The following NFIA variants were observed in gnomAD, a reference collection of about 807,000 sequenced individuals.
The protein encoded by NFIA is nuclear factor I A.
A neutral mutation model predicts 62.8 loss-of-function variants in NFIA; 8 were observed. The observed-to-expected ratio is 0.13, with a 90% CI of 0.07 to 0.23. NFIA has a LOEUF of 0.23. Among genes scored for constraint, NFIA ranks in the 10% least tolerant of loss-of-function variants. The pLI, the probability that NFIA is intolerant of heterozygous loss-of-function variation, is 1.00. For synonymous variants in NFIA, 235 were observed against 238.1 expected, an observed-to-expected ratio of 0.99 and a Z score of 0.12; for missense variants, 410 against 642.1, an observed-to-expected ratio of 0.64 and a Z score of 3.91.
At chr1:61,081,265 A>AAAAC (rs1646091232), upstream of NFIA, among the ~76,000 whole-genome samples, 1 of 152,076 alleles carries the variant, frequency 6.6e-6, no homozygotes, top group Non-Finnish European at 1.5e-5. Context: ...TTAAAAAAAA[A>AAAAC]AAACTGGAAA....
chr1:61,365,358 A>T (rs996721725), intron 6 of NFIA, among the ~76,000 whole-genome samples: 13 of 152,158 alleles, frequency 8.5e-5, no homozygotes, highest in Middle Eastern at 3.2e-3. Flanking sequence ...CTTGTCTGGA[A>T]GCCACCTTAA....
chr1:61,355,657 T>C (rs372551321), intron 5 of NFIA, among the ~76,000 whole-genome samples: 2 of 152,292 alleles, frequency 1.3e-5, no homozygotes, highest in East Asian at 3.9e-4. Context: ...CATAATTCAC[T>C]GCAACCTCGA....
intron 7 of NFIA, among the ~76,000 whole-genome samples, chr1:61,398,426 T>C (rs1294101047): frequency 6.6e-6 from 1 of 152,212 alleles, no homozygotes; most frequent in Non-Finnish European, 1.5e-5. Flanking sequence ...CATTAGAATT[T>C]GATCTCTTAG....
intron 10 of NFIA, among the ~76,000 whole-genome samples, chr1:61,437,493 A>C (rs1333502632): frequency 6.6e-6 from 1 of 152,130 alleles, no homozygotes; most frequent in Non-Finnish European, 1.5e-5. Context: ...GATTGATCTT[A>C]GAGAGGAGAA....
chr1:61,096,220 T>C (rs555297608), intron 2 of NFIA, among the ~76,000 whole-genome samples: 1 of 152,278 alleles, frequency 6.6e-6, no homozygotes, highest in Non-Finnish European at 1.5e-5. Context: ...TTTTTGTTGT[T>C]GTTGTTGTTT....
chr1:61,078,408 C>G (rs1779860), upstream of NFIA, among the ~76,000 whole-genome samples: 1 of 152,248 alleles, frequency 6.6e-6, no homozygotes, highest in Non-Finnish European at 1.5e-5. Flanking sequence ...CTCAGGGAAG[C>G]TGGTAACTTG....
At chr1:61,390,777 T>A (rs1664932854) in intron 7 of NFIA, among the ~76,000 whole-genome samples, 1 of 152,174 alleles carries the variant, frequency 6.6e-6, no homozygotes, top group Non-Finnish European at 1.5e-5. Flanking sequence ...GCAGGGCCTA[T>A]TAGGGCAAGG....
chr1:61,269,337 T>G (rs1310271737), intron 2 of NFIA, among the ~76,000 whole-genome samples: 1 of 152,202 alleles, frequency 6.6e-6, no homozygotes, highest in African/African-American at 2.4e-5. Context: ...TTAAAAGCTC[T>G]GTTTTGATAC....
chr1:61,098,115 A>G (rs1338137369), intron 2 of NFIA, among the ~76,000 whole-genome samples: 1 of 152,238 alleles, frequency 6.6e-6, no homozygotes, highest in Non-Finnish European at 1.5e-5. Context: ...CCTGTTGCAT[A>G]CTATTAAACA....
intron 1 of NFIA, among the ~76,000 whole-genome samples, chr1:61,083,386 G>A (rs1646154328): frequency 6.6e-6 from 1 of 152,114 alleles, no homozygotes; most frequent in Non-Finnish European, 1.5e-5. Flanking sequence ...GCCCCCCGCC[G>A]TCTTCCCGAA....
intron 10 of NFIA, among the ~76,000 whole-genome samples, chr1:61,428,878 T>C (rs1220853372): frequency 1.3e-5 from 2 of 152,166 alleles, no homozygotes; most frequent in African/African-American, 4.8e-5. Context: ...GGAAAAGTTA[T>C]CTGGGAAAAC....
chr1:61,235,727 C>A (rs143098496), intron 2 of NFIA, among the ~76,000 whole-genome samples: 6,618 of 147,852 alleles, frequency 0.045, 215 homozygotes, highest in Non-Finnish European at 0.064. Context: ...GTGGGAGGAT[C>A]GCTTGAACCT....
intron 2 of NFIA, among the ~76,000 whole-genome samples, chr1:61,196,714 T>G (rs1652024129): frequency 6.6e-6 from 1 of 152,238 alleles, no homozygotes; most frequent in South Asian, 2.1e-4. Flanking sequence ...TTCTCCAGCT[T>G]GAAGCAGTGT....
intron 2 of NFIA, among the ~76,000 whole-genome samples, chr1:61,192,160 G>A (rs559561173): frequency 7.9e-5 from 12 of 152,070 alleles, no homozygotes; most frequent in East Asian, 5.8e-4. Context: ...GGATTTCACC[G>A]TGTTAGCCAG....
intron 2 of NFIA, among the ~76,000 whole-genome samples, chr1:61,137,484 G>A (rs1323321699): frequency 1.3e-5 from 2 of 152,274 alleles, no homozygotes; most frequent in Admixed American, 6.5e-5. Flanking sequence ...TATAAATTAC[G>A]GGGATATGTA....
rs1298178260 is a variant in NFIA, at chr1:61,088,990, A to T, written c.559+310A>T. Reference sequence around the variant, plus strand: ...GAGAAGCCTCGTGAAAACCCTTTTAATAAAGAGTATATTTTAACTGACAAA... The same window carrying T: ...GAGAAGCCTCGTGAAAACCCTTTTATTAAAGAGTATATTTTAACTGACAAA... On this transcript the variant is annotated intron_variant, in intron 2 of 10. Transcript: ENST00000403491. This position sits in a 1 kb window ranked among gnomAD's most constrained non-coding sequence, Gnocchi z 4.5. Among the ~76,000 whole-genome samples, 1 of 152,232 alleles carries T rather than the reference A, an allele frequency of 6.6e-6. No homozygotes were observed. The highest frequency in any genetic ancestry group is 1.5e-5 in the Non-Finnish European group (1 of 68,042).
chr1:61,223,834 T>C (rs1003847401), intron 2 of NFIA, among the ~76,000 whole-genome samples: 2 of 152,122 alleles, frequency 1.3e-5, no homozygotes, highest in African/African-American at 2.4e-5. Context: ...TACTTTGAGG[T>C]TTTCTGAGGA....
chr1:61,296,552 A>G (rs905371137), intron 3 of NFIA, among the ~76,000 whole-genome samples: 8 of 152,144 alleles, frequency 5.3e-5, no homozygotes, highest in African/African-American at 1.9e-4. Context: ...AGGAAATATT[A>G]GTGTCCTTTT....
intron 2 of NFIA, among the ~76,000 whole-genome samples, chr1:61,099,067 G>T (rs1324983913): frequency 6.6e-6 from 1 of 152,202 alleles, no homozygotes; most frequent in African/African-American, 2.4e-5. Flanking sequence ...ATGGATAAAT[G>T]TAATCCTTTG....
Sources: allele counts gnomAD v4.1 joint callset (sites outside exome capture counted in the v4.1 genomes callset), GRCh38; gene constraint gnomAD v4.1.1; non-coding constraint Gnocchi (gnomAD v3.1); transcripts MANE v1.5; gene names NCBI Gene and HGNC (gene_info 2026-07-23, HGNC 2026-07-21).